Variants in RYR2 observed in about 807,000 individuals in gnomAD.
The protein encoded by RYR2 is ryanodine receptor 2, also known as cardiac muscle ryanodine receptor-calcium release channel.
A neutral mutation model predicts 601.1 loss-of-function variants in RYR2; 227 were observed. That is an observed-to-expected ratio of 0.38 (90% CI 0.34 to 0.42). The LOEUF (loss-of-function observed/expected upper bound fraction) is 0.42, where lower values mean the gene tolerates loss of function less well. Ranked by LOEUF, RYR2 falls within the 10% of genes least tolerant of loss-of-function variation. The pLI is 1.00. For missense variants in RYR2, 4,646 were observed against 6,156.5 expected, an observed-to-expected ratio of 0.75 and a Z score of 8.21; for synonymous variants, 2,223 against 2,175.1, an observed-to-expected ratio of 1.02 and a Z score of -0.61.
At chr1:237,275,091 C>T (rs560130886) in intron 2 of RYR2, among the ~76,000 whole-genome samples, 24 of 151,128 alleles carry the variant, frequency 1.6e-4, no homozygotes, top group Admixed American at 4.0e-4. Flanking sequence ...CACACATACA[C>T]GCACACACAC....
intron 1 of RYR2, among the ~76,000 whole-genome samples, chr1:237,099,104 CGG>C (rs1667797715): frequency 5.5e-5 from 2 of 36,284 alleles, no homozygotes; most frequent in Admixed American, 2.2e-4. Context: ...GTAGTGTGAA[CGG>C]AAAAAAAAAA....
intron 2 of RYR2, among the ~76,000 whole-genome samples, chr1:237,307,729 G>T (rs1694018073): frequency 1.3e-5 from 2 of 152,112 alleles, no homozygotes; most frequent in African/African-American, 4.8e-5. Flanking sequence ...GAAAATTATG[G>T]CTCTCAGGCC....
chr1:237,363,454 A>T (rs1312282891), intron 4 of RYR2, among the ~76,000 whole-genome samples: 1 of 152,048 alleles, frequency 6.6e-6, no homozygotes, highest in Admixed American at 6.6e-5. Context: ...TCAGGGAAAA[A>T]TTGTAATATT....
At chr1:237,139,872 TTGTC>T (rs1256756686) in intron 1 of RYR2, among the ~76,000 whole-genome samples, 16 of 152,254 alleles carry the variant, frequency 1.1e-4, no homozygotes, top group Admixed American at 1.3e-4. Flanking sequence ...AATGGAATCA[TTGTC>T]TGGCAGGCAG....
chr1:237,076,339 G>A (rs1372399540), intron 1 of RYR2, among the ~76,000 whole-genome samples: 40 of 38,276 alleles, frequency 1.0e-3, no homozygotes, highest in African/African-American at 7.0e-3. Flanking sequence ...AGCTACGGGA[G>A]GACATTCAAA....
intron 1 of RYR2, among the ~76,000 whole-genome samples, chr1:237,148,577 TACACACAC>T (rs1553316912): frequency 1.5e-5 from 2 of 129,894 alleles, no homozygotes; most frequent in African/African-American, 6.5e-5. Context: ...TATATATATA[TACACACAC>T]ATATATATAT....
chr1:237,741,054 C>T (rs1035680191), intron 79 of RYR2, among the ~76,000 whole-genome samples: 1 of 152,150 alleles, frequency 6.6e-6, no homozygotes, highest in South Asian at 2.1e-4. Context: ...AACATCTTTG[C>T]TTTTGTGATG....
chr1:237,780,563 G>A (rs1695019719), intron 88 of RYR2, among the ~76,000 whole-genome samples: 1 of 152,180 alleles, frequency 6.6e-6, no homozygotes, highest in Non-Finnish European at 1.5e-5. Context: ...TTGTGCAGAT[G>A]TAAGTATGAT....
In RYR2 at chr1:237,590,710, A is replaced by G; in HGVS notation, c.3878A>G (p.Gln1293Arg). 1 of 1,603,500 alleles carries G rather than the reference A, an allele frequency of 6.2e-7. No individual in the cohort carries two copies. Among genetic ancestry groups the G allele is most frequent in the Non-Finnish European group, 8.5e-7 (1 of 1,172,958 alleles). The change falls in exon 31 of 105, where the codon CAG (glutamine) becomes CGG (arginine). Residue 1293 changes from glutamine (Q) to arginine (R), a missense_variant. Coordinates refer to ENST00000366574, the MANE Select transcript of RYR2 (RefSeq NM_001035.3). ...GTCACTCAGAAGTCTTTTGGTTCTCAGAACAGCAACACTGATATCATGTTT... is the reference window on the plus strand; with the variant it reads ...GTCACTCAGAAGTCTTTTGGTTCTCGGAACAGCAACACTGATATCATGTTT... The part of the protein sequence containing the change: ...LKVTQKSFGS[Q>R]NSNTDIMFYR...
chr1:237,678,163 C>T, intron 61 of RYR2, 51 bp downstream of exon 61: 1 of 999,162 alleles, frequency 1.0e-6, no homozygotes, highest in South Asian at 1.3e-5. Context: ...TGTTTACATA[C>T]CCTACTCATT....
chr1:237,125,473 A>C (rs112229996), intron 1 of RYR2, among the ~76,000 whole-genome samples: 1 of 151,814 alleles, frequency 6.6e-6, no homozygotes, highest in Non-Finnish European at 1.5e-5. Context: ...TCATTCTTTT[A>C]ACACTGAAAT....
At position 237,643,295 on chromosome 1, in the gene RYR2, G is replaced by T. The variant is rs757094650; in HGVS notation, c.7222-32G>T. The T allele has an allele frequency of 3.1e-6, 5 of 1,603,584 alleles. No individual in the cohort carries two copies. In the African/African-American group the frequency reaches 4.0e-5, roughly 13 times the overall value. On this transcript the variant is annotated intron_variant, in intron 47 of 104. Coordinates refer to ENST00000366574, the MANE Select transcript of RYR2 (RefSeq NM_001035.3). ...AGAATTGTAACATTGATGTCACAAAGTTGTTCTAATGTTTTTTTTTCCCCT... is the reference window on the plus strand; with the variant it reads ...AGAATTGTAACATTGATGTCACAAATTTGTTCTAATGTTTTTTTTTCCCCT...
At chr1:237,184,050 C>T (rs556016164) in intron 1 of RYR2, among the ~76,000 whole-genome samples, 69 of 152,250 alleles carry the variant, frequency 4.5e-4, no homozygotes, top group Admixed American at 7.2e-4. Flanking sequence ...TAATCCTTTC[C>T]GCATATGTTG....
intron 61 of RYR2, among the ~76,000 whole-genome samples, chr1:237,680,127 C>T (rs957546935): frequency 6.6e-6 from 1 of 152,154 alleles, no homozygotes; most frequent in African/African-American, 2.4e-5. Flanking sequence ...ATAGTAGAGA[C>T]TCAACATATG....
intron 101 of RYR2, among the ~76,000 whole-genome samples, chr1:237,823,108 A>G (rs1034102744): frequency 6.6e-6 from 1 of 152,188 alleles, no homozygotes; most frequent in Non-Finnish European, 1.5e-5. Context: ...CACACTGTCA[A>G]TATTAGACAG....
intron 1 of RYR2, among the ~76,000 whole-genome samples, chr1:237,101,638 C>A (rs1042492514): frequency 3.3e-5 from 5 of 152,170 alleles, no homozygotes; most frequent in African/African-American, 1.2e-4. Context: ...TAGTACAAGG[C>A]AGAATCAGTT....
At chr1:237,178,956 G>A (rs1394388179) in intron 1 of RYR2, among the ~76,000 whole-genome samples, 1 of 152,156 alleles carries the variant, frequency 6.6e-6, no homozygotes, top group East Asian at 1.9e-4. Flanking sequence ...TCCTAGCAGT[G>A]TTGATTAGGC....
intron 100 of RYR2, among the ~76,000 whole-genome samples, chr1:237,814,510 T>TA (rs751093685): frequency 2.0e-5 from 3 of 151,774 alleles, no homozygotes; most frequent in Non-Finnish European, 2.9e-5. Context: ...TAATTTACAG[T>TA]AGGGGGCGCC....
intron 1 of RYR2, among the ~76,000 whole-genome samples, chr1:237,223,864 A>C (rs1346597625): frequency 6.6e-6 from 1 of 152,198 alleles, no homozygotes; most frequent in African/African-American, 2.4e-5. Context: ...CACTTCCAGA[A>C]TTTTCTCCTT....
Sources: allele counts gnomAD v4.1 joint callset (sites outside exome capture counted in the v4.1 genomes callset), GRCh38; gene constraint gnomAD v4.1.1; transcripts MANE v1.5; gene names NCBI Gene and HGNC (gene_info 2026-07-23, HGNC 2026-07-21).